The following LNPK variants were observed in gnomAD, a reference collection of about 807,000 sequenced individuals.
LNPK encodes the protein lunapark, ER junction formation factor.
Under a neutral mutation model 55.2 loss-of-function variants are expected in LNPK, and 29 were observed. The ratio of observed to expected loss-of-function variants is 0.53; its 90% CI spans 0.39 to 0.72. LNPK has a LOEUF of 0.72. Among genes scored for constraint, LNPK ranks in the 30% least tolerant of loss-of-function variants. LNPK has a pLI of 0.00. For missense variants in LNPK, 467 were observed against 494.8 expected, an observed-to-expected ratio of 0.94 and a Z score of 0.53; for synonymous variants, 162 against 168.2, an observed-to-expected ratio of 0.96 and a Z score of 0.29.
intron 1 of LNPK, among the ~76,000 whole-genome samples, chr2:175,996,935 A>G (rs1687959985): frequency 6.6e-6 from 1 of 152,254 alleles, no homozygotes; most frequent in Non-Finnish European, 1.5e-5. Flanking sequence ...TTACAGTTAG[A>G]TACTTGCCAA....
Position 175,929,803 on chromosome 2 carries a change from C to A in LNPK, c.*164G>T, listed in dbSNP as rs1684174282. ...TATAACTTGCTTTTAATTTTAATAC[C>A]CAGTATATATAACTTTGAGATGTTC... On this transcript the variant is annotated 3_prime_UTR_variant, in exon 13 of 13. Transcript: ENST00000272748. The A allele has an allele frequency of 7.0e-7, 1 of 1,436,092 alleles. No homozygotes were observed. The highest frequency in any genetic ancestry group is 9.1e-7 in the Non-Finnish European group (1 of 1,098,246). 89.0% of individuals were successfully genotyped at this position (1,436,092 alleles called of 1,614,324 possible). A position where few individuals can be genotyped will look rare whatever the true frequency, so the allele number is the denominator to read the frequency against.
At position 176,001,675 on chromosome 2, in the gene LNPK, GTCTT is replaced by G. The variant is rs553624049; in HGVS notation, c.-63+481_-63+484del. On this transcript the variant is annotated intron_variant, in intron 1 of 12. Transcript: ENST00000272748. The stretch of plus-strand genomic sequence containing the variant: ...CACTGACAGTTTTCAGTCCCTTCTG[GTCTT>G]TCTAACTCTTGGAGCCTCCGCACAA... 4.4e-3 allele frequency among the ~76,000 whole-genome samples: 672 copies of G among 152,248 alleles called. 1 individual carries two copies. The highest frequency in any genetic ancestry group is 7.6e-3 in the Non-Finnish European group (516 of 68,024).
At chr2:175,934,019 T>C (rs755527191) in intron 12 of LNPK, among the ~76,000 whole-genome samples, 27 of 152,174 alleles carry the variant, frequency 1.8e-4, no homozygotes, top group Non-Finnish European at 3.2e-4. Context: ...TGAGCCACCG[T>C]GCCTGGCCAA....
chr2:175,933,879 A>G (rs112689730), intron 12 of LNPK, among the ~76,000 whole-genome samples: 1 of 151,862 alleles, frequency 6.6e-6, no homozygotes, highest in Non-Finnish European at 1.5e-5. Context: ...CTACAGGTGC[A>G]CGCCACCACA....
In LNPK at chr2:175,985,673, T is replaced by A. The variant is rs191428894; in HGVS notation, c.258-5805A>T. On this transcript the variant is annotated intron_variant, in intron 4 of 12. Transcript: ENST00000272748. ...ACCATGGACAGTACCAAATCCAACA[T>A]ATACTAAGTTTTTTCCTATAAATAC... Among the ~76,000 whole-genome samples, 4 of 152,298 alleles carry A rather than the reference T, an allele frequency of 2.6e-5. No individual in the cohort carries two copies. The East Asian group carries it at 5.8e-4, about 22-fold the overall frequency.
At chr2:175,949,143 C>T (rs972528198) in intron 8 of LNPK, among the ~76,000 whole-genome samples, 4 of 151,970 alleles carry the variant, frequency 2.6e-5, no homozygotes, top group African/African-American at 7.2e-5. Flanking sequence ...AGTCTTTAAC[C>T]AAGCCATGGC....
chr2:175,977,003 C>G (rs1287680495), intron 5 of LNPK, among the ~76,000 whole-genome samples: 1 of 152,008 alleles, frequency 6.6e-6, no homozygotes, highest in Non-Finnish European at 1.5e-5. Flanking sequence ...ATGGAGAAGA[C>G]AAAGGGAAGA....
chr2:175,978,286 T>C (rs1306189654), intron 5 of LNPK, among the ~76,000 whole-genome samples: 1 of 152,144 alleles, frequency 6.6e-6, no homozygotes, highest in Admixed American at 6.5e-5. Flanking sequence ...TGCAGGAGGA[T>C]GTGTAGGTTA....
At chr2:175,996,367 T>C (rs983297577) in intron 1 of LNPK, among the ~76,000 whole-genome samples, 1 of 152,184 alleles carries the variant, frequency 6.6e-6, no homozygotes, top group Admixed American at 6.5e-5. Flanking sequence ...AATAGAAGTG[T>C]TTTACAATGT....
intron 9 of LNPK, among the ~76,000 whole-genome samples, chr2:175,941,642 T>C (rs1351542459): frequency 6.6e-6 from 1 of 151,490 alleles, no homozygotes; most frequent in Non-Finnish European, 1.5e-5. Context: ...AATACAAAAA[T>C]TGGCTGGGCG....
chr2:175,980,004 G>A (rs1322378865), intron 4 of LNPK, 136 bp from the exon 5 acceptor site: 26 of 749,030 alleles, frequency 3.5e-5, no homozygotes, highest in Non-Finnish European at 4.8e-5. Context: ...ACTAAAAAGC[G>A]TTTATTTCTG....
At chr2:175,966,637 A>G (rs1284321904) in intron 6 of LNPK, among the ~76,000 whole-genome samples, 1 of 152,108 alleles carries the variant, frequency 6.6e-6, no homozygotes, top group African/African-American at 2.4e-5. Context: ...CATTTTTTGC[A>G]TTTACTTCTA....
intron 5 of LNPK, among the ~76,000 whole-genome samples, chr2:175,975,631 A>G (rs1318281322): frequency 1.3e-5 from 2 of 152,240 alleles, no homozygotes; most frequent in East Asian, 3.8e-4. Context: ...TAAAATGTAC[A>G]GTTATTATTG....
chr2:175,978,720 C>A (rs1417980662), intron 5 of LNPK, among the ~76,000 whole-genome samples: 2 of 152,046 alleles, frequency 1.3e-5, no homozygotes, highest in African/African-American at 4.8e-5. Context: ...TATGATTTTC[C>A]TCTAATAAGT....
chr2:175,970,954 T>C, intron 5 of LNPK, 150 bp from the exon 6 acceptor site: 2 of 595,548 alleles, frequency 3.4e-6, no homozygotes, highest in Non-Finnish European at 5.2e-6. Context: ...ATTATCTCCA[T>C]CTTCACCCAC....
chr2:175,955,218 T>C (rs188878842), intron 8 of LNPK, among the ~76,000 whole-genome samples: 51 of 152,324 alleles, frequency 3.3e-4, no homozygotes, highest in Admixed American at 3.3e-3. Flanking sequence ...GAAATTGTAC[T>C]CTGACAAAGA....
intron 8 of LNPK, among the ~76,000 whole-genome samples, chr2:175,958,677 C>A (rs1685828908): frequency 6.6e-6 from 1 of 152,112 alleles, no homozygotes. Flanking sequence ...CGAAGGATTG[C>A]AGCTCCTTGC....
At chr2:175,998,594 T>C (rs2105374589) in intron 1 of LNPK, among the ~76,000 whole-genome samples, 1 of 152,322 alleles carries the variant, frequency 6.6e-6, no homozygotes, top group African/African-American at 2.4e-5. Flanking sequence ...TAGATTTGAA[T>C]ATTTATATGT....
rs1447518882 is a variant in LNPK at position 175,986,672 on chromosome 2, G to A, written c.257+5559C>T. ...TTAATATAATCCCTTTGTATCAAGA[G>A]AAGATGAAAAATCATATGGTATCTC... is the stretch of plus-strand genomic sequence containing the variant. On this transcript the variant is annotated intron_variant, in intron 4 of 12. Transcript: ENST00000272748. 2.6e-5 allele frequency among the ~76,000 whole-genome samples: 4 copies of A among 152,062 alleles called. No homozygotes were observed. In the East Asian group the frequency reaches 7.7e-4, roughly 29 times the overall value.
Sources: allele counts gnomAD v4.1 joint callset (sites outside exome capture counted in the v4.1 genomes callset), GRCh38; gene constraint gnomAD v4.1.1; transcripts MANE v1.5; gene names NCBI Gene and HGNC (gene_info 2026-07-23, HGNC 2026-07-21).